CFAP77: variants seen among roughly 807,000 people sequenced by gnomAD.
The protein encoded by CFAP77 is cilia- and flagella-associated protein 77.
CFAP77 carries 25 observed loss-of-function variants against 31.1 expected under a neutral mutation model. The ratio of observed to expected loss-of-function variants is 0.80; its 90% confidence interval spans 0.59 to 1.12. The LOEUF is 1.12. CFAP77 is among the 50% of genes most tolerant of loss of function. CFAP77 has a pLI of 0.00. For missense variants in CFAP77, 377 were observed against 397.3 expected (o/e 0.95, Z 0.44); for synonymous variants, 151 against 159.9 (o/e 0.94, Z 0.42).
intron 4 of CFAP77, among the ~76,000 whole-genome samples, chr9:132,541,948 A>T (rs1184448887): frequency 6.6e-6 from 1 of 152,222 alleles, no homozygotes; most frequent in East Asian, 1.9e-4. Flanking sequence ...CTTTAGGGAA[A>T]GAGGAAACAT....
intron 1 of CFAP77, among the ~76,000 whole-genome samples, chr9:132,417,709 G>C (rs1377484101): frequency 1.3e-5 from 2 of 152,210 alleles, no homozygotes; most frequent in African/African-American, 4.8e-5. Context: ...GCAGGGTCTG[G>C]CCCAGGAAAG....
chr9:132,445,178 T>C (rs1197165532), intron 1 of CFAP77, among the ~76,000 whole-genome samples: 1 of 152,104 alleles, frequency 6.6e-6, no homozygotes, highest in Non-Finnish European at 1.5e-5. Context: ...TTTGCCATGT[T>C]GGCCAGGCTG....
chr9:132,506,984 G>C (rs1428577753), intron 3 of CFAP77, among the ~76,000 whole-genome samples: 1 of 152,178 alleles, frequency 6.6e-6, no homozygotes, highest in Non-Finnish European at 1.5e-5. Context: ...TGTTTTTCCA[G>C]CACTAGAAGG....
At chr9:132,434,197 C>G (rs889637922) in intron 1 of CFAP77, among the ~76,000 whole-genome samples, 7 of 152,022 alleles carry the variant, frequency 4.6e-5, no homozygotes, top group Non-Finnish European at 7.4e-5. Flanking sequence ...TCTGGGTCCT[C>G]TCCTCTGGAA....
intron 5 of CFAP77, among the ~76,000 whole-genome samples, chr9:132,559,829 G>A (rs1403856569): frequency 6.6e-6 from 1 of 152,192 alleles, no homozygotes; most frequent in Non-Finnish European, 1.5e-5. Flanking sequence ...CCATACAAAG[G>A]AATACTATTC....
chr9:132,560,198 T>TA (rs1270751753), intron 5 of CFAP77, among the ~76,000 whole-genome samples: 1 of 152,160 alleles, frequency 6.6e-6, no homozygotes, highest in Non-Finnish European at 1.5e-5. Context: ...AGAGTCACTT[T>TA]AAAAAATAGC....
At chr9:132,502,250 CATAT>C (rs201612657) in intron 3 of CFAP77, among the ~76,000 whole-genome samples, 161 of 102,202 alleles carry the variant, frequency 1.6e-3, no homozygotes, top group East Asian at 3.6e-3. Context: ...ACTGTGCCAT[CATAT>C]ATATATATAT....
At chr9:132,437,467 G>A (rs1850522672) in intron 1 of CFAP77, among the ~76,000 whole-genome samples, 1 of 151,368 alleles carries the variant, frequency 6.6e-6, no homozygotes, top group Non-Finnish European at 1.5e-5. Context: ...TCCGAGGGCA[G>A]TGGGAAAACA....
intron 1 of CFAP77, among the ~76,000 whole-genome samples, chr9:132,444,942 C>A (rs1339042803): frequency 6.6e-6 from 1 of 151,794 alleles, no homozygotes; most frequent in Non-Finnish European, 1.5e-5. Context: ...CCTCCACCAG[C>A]CCCTAGCAAC....
At chr9:132,504,259 T>A (rs1851898667) in intron 3 of CFAP77, among the ~76,000 whole-genome samples, 1 of 152,212 alleles carries the variant, frequency 6.6e-6, no homozygotes, top group Non-Finnish European at 1.5e-5. Flanking sequence ...GGAACCGATG[T>A]GCAGCCGGAA....
intron 4 of CFAP77, among the ~76,000 whole-genome samples, chr9:132,542,567 C>A (rs1852663308): frequency 6.6e-6 from 1 of 152,220 alleles, no homozygotes; most frequent in African/African-American, 2.4e-5. Flanking sequence ...TCGTGCACTT[C>A]TTCATCCAAA....
At chr9:132,493,150 C>T (rs1411362650) in intron 1 of CFAP77, among the ~76,000 whole-genome samples, 2 of 152,098 alleles carry the variant, frequency 1.3e-5, no homozygotes, top group Admixed American at 6.5e-5. Flanking sequence ...GTGTAGCCTG[C>T]CCAAGAAGAA....
rs1181441488 is a variant in CFAP77, at chr9:132,554,966, ATCCAT to A, written c.732+11920_732+11924del. ...CATCCATCCATCCATCCATCCATCC[ATCCAT>A]CCATCCATCCATCCATCCTCAGCCA... On this transcript the variant is annotated intron_variant, in intron 5 of 5. Coordinates refer to ENST00000393216, the MANE Select transcript of CFAP77 (RefSeq NM_001282957.2). This position sits in a 1 kb window ranked among gnomAD's most constrained non-coding sequence, Gnocchi z 4.1. 6.6e-6 allele frequency among the ~76,000 whole-genome samples: 1 copy of A among 151,430 alleles called. No homozygotes were observed. Among genetic ancestry groups the A allele is most frequent in the East Asian group, 1.9e-4 (1 of 5,150 alleles).
rs548435644 is a variant in CFAP77, at chr9:132,424,406, CA to C, written c.195+13950del. On this transcript the variant is annotated intron_variant, in intron 1 of 5. Transcript: ENST00000393216. This position sits in a 1 kb window ranked among gnomAD's most constrained non-coding sequence, Gnocchi z 4.1. Reference sequence around the variant, plus strand: ...GACAGAGCAAGACTCCATCTCAAAACAAAAAAAAAAGAGTTAGGAAGAGGGA... The same window carrying C: ...GACAGAGCAAGACTCCATCTCAAAACAAAAAAAAAGAGTTAGGAAGAGGGA... Among the ~76,000 whole-genome samples the C allele has an allele frequency of 6.9e-5, 10 of 145,694 alleles. No individual in the cohort carries two copies. Among genetic ancestry groups the C allele is most frequent in the South Asian group, 2.2e-4 (1 of 4,612 alleles).
chr9:132,462,037 G>A (rs1217798590), intron 1 of CFAP77, among the ~76,000 whole-genome samples: 1 of 152,142 alleles, frequency 6.6e-6, no homozygotes, highest in Non-Finnish European at 1.5e-5. Context: ...GAACATCTCC[G>A]CTCCTTCATT....
rs1301706631 is a variant in CFAP77 at position 132,498,880 on chromosome 9, C to CAGCTGG, written c.295+86_295+87insAGCTGG. 1,948 of 967,136 alleles carry CAGCTGG rather than the reference C, an allele frequency of 2.0e-3. 15 individuals are homozygous for CAGCTGG. In the Middle Eastern group the frequency reaches 0.02, roughly 10 times the overall value. The allele number at this position is 967,136 out of a possible 1,614,324, so 59.9% of individuals were successfully genotyped here. ...ACAGACCCCTTGACCTAGCTCGCTG[C>CAGCTGG]TTGGCAGCTGGTTGGGTGCTGGAGA... On this transcript the variant is annotated intron_variant, in intron 2 of 5. Transcript: ENST00000393216. This position sits in a 1 kb window ranked among gnomAD's most constrained non-coding sequence, Gnocchi z 4.2.
chr9:132,419,178 A>G (rs781599988), intron 1 of CFAP77, among the ~76,000 whole-genome samples: 6 of 152,216 alleles, frequency 3.9e-5, no homozygotes, highest in Non-Finnish European at 8.8e-5. Flanking sequence ...TTGATCTTTT[A>G]TATGAACCAA....
At chr9:132,487,268 G>A (rs1222655094) in intron 1 of CFAP77, among the ~76,000 whole-genome samples, 1 of 152,186 alleles carries the variant, frequency 6.6e-6, no homozygotes, top group African/African-American at 2.4e-5. Context: ...GGTCACACGG[G>A]AAGTGGCAGA....
chr9:132,471,863 C>G (rs529567204), intron 1 of CFAP77, among the ~76,000 whole-genome samples: 2 of 152,120 alleles, frequency 1.3e-5, no homozygotes, highest in Non-Finnish European at 2.9e-5. Context: ...TGCTACCACG[C>G]CTGGTTAATT....
Sources: allele counts gnomAD v4.1 joint callset (sites outside exome capture counted in the v4.1 genomes callset), GRCh38; gene constraint gnomAD v4.1.1; non-coding constraint Gnocchi (gnomAD v3.1); transcripts MANE v1.5; gene names NCBI Gene and HGNC (gene_info 2026-07-23, HGNC 2026-07-21).